Variants in SLC10A7 observed in about 807,000 individuals in gnomAD.
SLC10A7 encodes sodium/bile acid cotransporter 7.
SLC10A7 carries 29 observed loss-of-function variants against 43.2 expected under a neutral mutation model. That is an observed-to-expected ratio of 0.67 (90% CI 0.50 to 0.92). The LOEUF is 0.92. SLC10A7 is among the 40% of genes least tolerant of loss of function. SLC10A7 has a pLI of 0.00. For synonymous variants in SLC10A7, 152 were observed against 144.8 expected (o/e 1.05, Z -0.35); for missense variants, 295 against 403.2 (o/e 0.73, Z 2.30).
chr4:146,379,091 G>T (rs1737418198), intron 5 of SLC10A7, among the ~76,000 whole-genome samples: 1 of 152,190 alleles, frequency 6.6e-6, no homozygotes, highest in South Asian at 2.1e-4. Flanking sequence ...TTCCTGTGGA[G>T]AGTGTCTGAA....
chr4:146,325,928 A>T (rs772949589), intron 6 of SLC10A7, 33 bp downstream of exon 6: 1 of 1,589,674 alleles, frequency 6.3e-7, no homozygotes, highest in Non-Finnish European at 8.6e-7. Context: ...AGCTTTTAAT[A>T]AAATATATTA....
intron 7 of SLC10A7, among the ~76,000 whole-genome samples, chr4:146,294,974 T>C (rs576133045): frequency 6.6e-6 from 1 of 152,300 alleles, no homozygotes; most frequent in East Asian, 1.9e-4. Context: ...CTCATTATCC[T>C]GCATAATTGA....
chr4:146,402,956 G>A (rs1739324842), intron 5 of SLC10A7, among the ~76,000 whole-genome samples: 1 of 152,160 alleles, frequency 6.6e-6, no homozygotes, highest in South Asian at 2.1e-4. Flanking sequence ...CAGACTAGCA[G>A]TGTAGTCTTG....
chr4:146,370,971 A>C lies in SLC10A7; in HGVS notation c.436-44975T>G, dbSNP rs186857560. ...TGCAAAGTGTGTGCTTAGCAGCACC[A>C]TAAAAATTCCCCAGATCTGGTTTAT... On this transcript the variant is annotated intron_variant, in intron 5 of 11. Coordinates refer to ENST00000335472, the MANE Select transcript of SLC10A7 (RefSeq NM_001029998.6). 3.1e-3 allele frequency among the ~76,000 whole-genome samples: 472 copies of C among 152,348 alleles called. 9 individuals carry two copies. The highest frequency in any genetic ancestry group is 6.8e-3 in the Middle Eastern group (2 of 294).
At chr4:146,360,611 TTTG>T (rs1187903553) in intron 5 of SLC10A7, among the ~76,000 whole-genome samples, 152 of 151,536 alleles carry the variant, frequency 1.0e-3, no homozygotes, top group Non-Finnish European at 1.7e-3. Flanking sequence ...TGGCTTTTTG[TTTG>T]TTTGTTTGTT....
chr4:146,455,893 G>C (rs1443566049), intron 4 of SLC10A7, among the ~76,000 whole-genome samples: 1 of 151,718 alleles, frequency 6.6e-6, no homozygotes, highest in African/African-American at 2.4e-5. Context: ...TCTAATGTTA[G>C]GTCCCCTGAG....
chr4:146,335,954 A>C (rs1361753709), intron 5 of SLC10A7, among the ~76,000 whole-genome samples: 1 of 152,114 alleles, frequency 6.6e-6, no homozygotes, highest in Non-Finnish European at 1.5e-5. Flanking sequence ...TTCACCTGGA[A>C]GCTTGTGAGA....
chr4:146,504,497 C>T (rs370177096), intron 3 of SLC10A7, among the ~76,000 whole-genome samples: 199 of 114,918 alleles, frequency 1.7e-3, no homozygotes, highest in African/African-American at 6.3e-3. Context: ...CCAGCCTGGG[C>T]GAAAGAGTGA....
chr4:146,430,725 T>C (rs1484720568), intron 5 of SLC10A7, among the ~76,000 whole-genome samples: 2 of 152,028 alleles, frequency 1.3e-5, no homozygotes, highest in Non-Finnish European at 2.9e-5. Flanking sequence ...AGTATAACCA[T>C]CCCCGGACAC....
intron 7 of SLC10A7, among the ~76,000 whole-genome samples, chr4:146,305,724 C>G (rs1030398657): frequency 6.6e-6 from 1 of 151,988 alleles, no homozygotes; most frequent in Non-Finnish European, 1.5e-5. Context: ...TGCCTATATA[C>G]AGCTAACTGC....
intron 5 of SLC10A7, among the ~76,000 whole-genome samples, chr4:146,359,682 A>G (rs1263955625): frequency 1.3e-5 from 2 of 152,186 alleles, no homozygotes; most frequent in African/African-American, 4.8e-5. Context: ...AGAAGTAAGT[A>G]TATCATGCCT....
At chr4:146,401,177 C>A (rs185963376) in intron 5 of SLC10A7, among the ~76,000 whole-genome samples, 1 of 152,232 alleles carries the variant, frequency 6.6e-6, no homozygotes, top group African/African-American at 2.4e-5. Flanking sequence ...ACTCTGACGG[C>A]AGGCGATAAA....
rs576032273 is a variant in SLC10A7, at chr4:146,357,298, A to G, written c.436-31302T>C. Among the ~76,000 whole-genome samples the G allele has an allele frequency of 3.3e-5, 5 of 152,302 alleles. No homozygotes were observed. The South Asian group carries it at 1.0e-3, about 32-fold the overall frequency. ...ACAAGAGACTTACAGAGTTACCAGGAAGTTCCAATAATTTTTGCACACGGG... is the reference window on the plus strand; with the variant it reads ...ACAAGAGACTTACAGAGTTACCAGGGAGTTCCAATAATTTTTGCACACGGG... On this transcript the variant is annotated intron_variant, in intron 5 of 11. Coordinates refer to ENST00000335472, the MANE Select transcript of SLC10A7 (RefSeq NM_001029998.6).
intron 5 of SLC10A7, among the ~76,000 whole-genome samples, chr4:146,436,913 G>GA (rs1298351269): frequency 6.6e-6 from 1 of 152,038 alleles, no homozygotes; most frequent in Admixed American, 6.6e-5. Flanking sequence ...GTTTTGGCTT[G>GA]AAATAAATTT....
At chr4:146,353,440 C>T (rs1735298249) in intron 5 of SLC10A7, among the ~76,000 whole-genome samples, 1 of 141,858 alleles carries the variant, frequency 7.0e-6, no homozygotes, top group Admixed American at 7.2e-5. Flanking sequence ...GGATTCACAG[C>T]CAAATTCTAC....
chr4:146,443,052 G>A (rs575719713), intron 4 of SLC10A7, among the ~76,000 whole-genome samples: 7 of 152,114 alleles, frequency 4.6e-5, no homozygotes, highest in Non-Finnish European at 7.4e-5. Flanking sequence ...GGCAGAAAAC[G>A]CTTGTCATGC....
chr4:146,425,084 T>G (rs1729242997), intron 5 of SLC10A7, among the ~76,000 whole-genome samples: 2 of 152,188 alleles, frequency 1.3e-5, no homozygotes, highest in South Asian at 4.1e-4. Context: ...GAAAAATGTT[T>G]AAGTGCTGGA....
intron 7 of SLC10A7, among the ~76,000 whole-genome samples, chr4:146,303,162 T>A (rs1244852276): frequency 2.0e-5 from 3 of 151,876 alleles, no homozygotes; most frequent in African/African-American, 7.3e-5. Flanking sequence ...CTCTGAGGGG[T>A]CATTCCGGCT....
At chr4:146,489,361 C>T (rs1276914808) in intron 4 of SLC10A7, among the ~76,000 whole-genome samples, 1 of 152,180 alleles carries the variant, frequency 6.6e-6, no homozygotes, top group Non-Finnish European at 1.5e-5. Flanking sequence ...CTTCACTCTA[C>T]CTTGTTTGCG....
Sources: gnomAD v4.1 joint callset for allele counts (sites outside exome capture counted in the v4.1 genomes callset) on GRCh38, gnomAD v4.1.1 for gene constraint, MANE v1.5 for transcripts, NCBI Gene and HGNC (gene_info 2026-07-23, HGNC 2026-07-21) for gene names.